The following PRKAA2 variants were observed in gnomAD, a reference collection of about 807,000 sequenced individuals.
The protein encoded by PRKAA2 is 5'-AMP-activated protein kinase catalytic subunit alpha-2.
A neutral mutation model predicts 56.3 loss-of-function variants in PRKAA2; 40 were observed. The observed-to-expected ratio is 0.71, with a 90% confidence interval of 0.55 to 0.92. The LOEUF (loss-of-function observed/expected upper bound fraction) is 0.92, where lower values mean the gene tolerates loss of function less well. Among genes scored for constraint, PRKAA2 ranks in the 40% least tolerant of loss-of-function variants. PRKAA2 has a pLI of 0.00. For synonymous variants in PRKAA2, 214 were observed against 234.2 expected, an observed-to-expected ratio of 0.91 and a Z score of 0.79; for missense variants, 542 against 686.9, an observed-to-expected ratio of 0.79 and a Z score of 2.36.
chr1:56,707,839 C>T lies in PRKAA2; in HGVS notation c.*126C>T. ...GAAACATGAATTATTTCCAGGGGCA[C>T]ACAATGCTATTGAAATTACTGAAAA... On this transcript the variant is annotated 3_prime_UTR_variant, in exon 9 of 9. Coordinates refer to ENST00000371244, the MANE Select transcript of PRKAA2 (RefSeq NM_006252.4). 1.1e-6 allele frequency: 1 copy of T among 893,514 alleles called. No individual in the cohort carries two copies. Among genetic ancestry groups the T allele is most frequent in the East Asian group, 2.5e-5 (1 of 40,196 alleles). 55.3% of individuals were successfully genotyped at this position (893,514 alleles called of 1,614,324 possible). A position where few individuals can be genotyped will look rare whatever the true frequency, so the allele number is the denominator to read the frequency against.
rs929063043 is a variant in PRKAA2 at position 56,702,311 on chromosome 1, G to A, written c.789-1660G>A. Reference sequence around the variant, plus strand: ...TTGGTCAGGCCGGTCTCGAACTCCCGACCTCAGGTGATCCGCCTGCCTCGG... The same window carrying A: ...TTGGTCAGGCCGGTCTCGAACTCCCAACCTCAGGTGATCCGCCTGCCTCGG... On this transcript the variant is annotated intron_variant, in intron 6 of 8. Coordinates refer to ENST00000371244, the MANE Select transcript of PRKAA2 (RefSeq NM_006252.4). Among the ~76,000 whole-genome samples the A allele has an allele frequency of 5.9e-5, 9 of 152,164 alleles. No homozygotes were observed. In the South Asian group the frequency reaches 1.2e-3, roughly 21 times the overall value.
At position 56,664,338 on chromosome 1, in the gene PRKAA2, C is replaced by A. The variant is rs1036167503; in HGVS notation, c.95-10043C>A. Among the ~76,000 whole-genome samples the A allele has an allele frequency of 2.6e-5, 4 of 152,114 alleles. No homozygotes were observed. The South Asian group carries it at 8.3e-4, about 32-fold the overall frequency. The stretch of plus-strand genomic sequence containing the variant: ...TGCTTATCCTTCTTAGTGCCTCAAA[C>A]TAGATCCTGTTCAGACATGTAATAG... On this transcript the variant is annotated intron_variant, in intron 1 of 8. Transcript: ENST00000371244.
At chr1:56,657,657 C>T (rs1286012516) in intron 1 of PRKAA2, among the ~76,000 whole-genome samples, 3 of 152,002 alleles carry the variant, frequency 2.0e-5, no homozygotes, top group South Asian at 4.2e-4. Context: ...GCCTGGGTGA[C>T]AGAGCAAGAC....
At chr1:56,690,870 G>A (rs1329019038) in intron 2 of PRKAA2, among the ~76,000 whole-genome samples, 3 of 152,008 alleles carry the variant, frequency 2.0e-5, no homozygotes, top group Admixed American at 6.5e-5. Flanking sequence ...TTTCAAAATC[G>A]GTTCCATAAA....
At chr1:56,671,785 C>T (rs1268276925) in intron 1 of PRKAA2, among the ~76,000 whole-genome samples, 1 of 152,134 alleles carries the variant, frequency 6.6e-6, no homozygotes, top group Non-Finnish European at 1.5e-5. Flanking sequence ...ACTGTGTGAC[C>T]TTGGGTGACT....
At chr1:56,671,360 C>A (rs1415547152) in intron 1 of PRKAA2, 1 of 152,148 alleles carries the variant, frequency 6.6e-6, no homozygotes, top group East Asian at 1.9e-4. Context: ...ACCAGCCTGG[C>A]AAGGTGTTTG....
intron 7 of PRKAA2, 38 bp downstream of exon 7, chr1:56,704,513 C>G (rs1480204335): frequency 6.5e-7 from 1 of 1,533,502 alleles, no homozygotes; most frequent in South Asian, 1.3e-5. Context: ...TTTGTAGAAG[C>G]CATTTTTCTA....
intron 2 of PRKAA2, 147 bp downstream of exon 2, chr1:56,674,669 A>G: frequency 1.9e-6 from 1 of 529,802 alleles, no homozygotes; most frequent in South Asian, 3.5e-5. Context: ...TTTAACCTTT[A>G]TCAGTCCTTT....
intron 1 of PRKAA2, 82 bp downstream of exon 1, chr1:56,645,563 C>A (rs2100370437): frequency 3.1e-6 from 4 of 1,295,546 alleles, no homozygotes; most frequent in Non-Finnish European, 4.1e-6. Flanking sequence ...CCCGGGCCTC[C>A]GGCGGGCGCG....
chr1:56,670,635 T>C (rs1644068490), intron 1 of PRKAA2, among the ~76,000 whole-genome samples: 1 of 152,178 alleles, frequency 6.6e-6, no homozygotes, highest in South Asian at 2.1e-4. Flanking sequence ...GAAAGAAAGA[T>C]GCAGAAGATA....
intron 2 of PRKAA2, among the ~76,000 whole-genome samples, chr1:56,690,447 G>A (rs1009592363): frequency 2.0e-5 from 3 of 152,150 alleles, no homozygotes; most frequent in Non-Finnish European, 2.9e-5. Flanking sequence ...GGGATTACAG[G>A]CGTGAGCCAC....
intron 1 of PRKAA2, among the ~76,000 whole-genome samples, chr1:56,650,917 G>C (rs1646682376): frequency 6.6e-6 from 1 of 152,166 alleles, no homozygotes; most frequent in South Asian, 2.1e-4. Flanking sequence ...AACAAAAAGT[G>C]TTACCTTATT....
chr1:56,646,590 G>A (rs968297765), intron 1 of PRKAA2, among the ~76,000 whole-genome samples: 1 of 152,194 alleles, frequency 6.6e-6, no homozygotes, highest in African/African-American at 2.4e-5. Context: ...AGAGACAGTT[G>A]TTTATTAAAA....
intron 2 of PRKAA2, among the ~76,000 whole-genome samples, chr1:56,683,071 ATTTTTTTTTTTTTT>A (rs10606990): frequency 1.8e-4 from 16 of 87,218 alleles, no homozygotes; most frequent in East Asian, 3.8e-4. Flanking sequence ...AAAGAAAGGA[ATTTTTTTTTTTTTT>A]TTTTTTTTTT....
chr1:56,673,354 A>G (rs1489147723), intron 1 of PRKAA2, among the ~76,000 whole-genome samples: 1 of 152,164 alleles, frequency 6.6e-6, no homozygotes, highest in Non-Finnish European at 1.5e-5. Flanking sequence ...AGCCTGGATA[A>G]CAAAACAATA....
chr1:56,663,578 G>A (rs2100392932), intron 1 of PRKAA2, among the ~76,000 whole-genome samples: 1 of 152,292 alleles, frequency 6.6e-6, no homozygotes, highest in South Asian at 2.1e-4. Flanking sequence ...TGAGAGCTCT[G>A]CTCTTGTCTG....
intron 1 of PRKAA2, among the ~76,000 whole-genome samples, chr1:56,653,635 G>T (rs911928318): frequency 6.6e-6 from 1 of 152,106 alleles, no homozygotes; most frequent in Non-Finnish European, 1.5e-5. Flanking sequence ...ATGTACTTTT[G>T]TGTATGTAGA....
In PRKAA2 at chr1:56,714,112, T is replaced by C. The variant is rs1325237150; in HGVS notation, c.*6399T>C. 2 of 152,148 alleles carry C rather than the reference T, an allele frequency of 1.3e-5. No individual in the cohort carries two copies. The highest frequency in any genetic ancestry group is 2.9e-5 in the Non-Finnish European group (2 of 67,996). 9.4% of individuals were successfully genotyped at this position (152,148 alleles called of 1,614,324 possible). On this transcript the variant is annotated 3_prime_UTR_variant, in exon 9 of 9. Transcript: ENST00000371244. ...ATGTTGATTGACTTTATAAGTCACC[T>C]TGGTAAACATAACATTTGGCTACCT...
At chr1:56,652,129 C>T (rs1450980071) in intron 1 of PRKAA2, among the ~76,000 whole-genome samples, 1 of 151,754 alleles carries the variant, frequency 6.6e-6, no homozygotes, top group South Asian at 2.1e-4. Flanking sequence ...TCCACTGCCT[C>T]GGCCTCCCGA....
Sources: gnomAD v4.1 joint callset for allele counts (sites outside exome capture counted in the v4.1 genomes callset) on GRCh38, gnomAD v4.1.1 for gene constraint, MANE v1.5 for transcripts, NCBI Gene and HGNC (gene_info 2026-07-23, HGNC 2026-07-21) for gene names.